Variants in PAX7 observed in about 807,000 individuals in gnomAD.
PAX7 encodes the protein paired box protein Pax-7.
In PAX7, 18 loss-of-function variants were observed where a neutral mutation model predicts 50.7. That is an observed-to-expected ratio of 0.36 (90% CI 0.25 to 0.53). The LOEUF (loss-of-function observed/expected upper bound fraction) is 0.53. PAX7 is among the 20% of genes least tolerant of loss of function. The pLI is 0.93. For synonymous variants in PAX7, 310 were observed against 290.4 expected (o/e 1.07, Z -0.69); for missense variants, 644 against 702.9 (o/e 0.92, Z 0.95).
Position 18,691,851 on chromosome 1 carries a change from G to A in PAX7, c.684G>A (p.Gln228=), listed in dbSNP as rs1339318728. The change falls in exon 5 of 9, where the codon CAG becomes CAA. Residue 228 remains glutamine (Q), a synonymous_variant. Coordinates refer to ENST00000420770, the MANE Select transcript of PAX7 (RefSeq NM_001135254.2). ...RRSRTTFTAE[Q]LEELEKAFER... Reference sequence around the variant, plus strand: ...GTCGGACCACATTCACGGCCGAGCAGCTGGAGGAGCTGGAGAAGGCCTTTG... The same window carrying A: ...GTCGGACCACATTCACGGCCGAGCAACTGGAGGAGCTGGAGAAGGCCTTTG... 17 of 1,613,850 alleles carry A rather than the reference G, an allele frequency of 1.1e-5. No homozygotes were observed. Among genetic ancestry groups the A allele is most frequent in the Non-Finnish European group, 1.4e-5 (16 of 1,179,966 alleles).
At chr1:18,722,357 C>T (rs1011836517) in intron 7 of PAX7, among the ~76,000 whole-genome samples, 3 of 152,176 alleles carry the variant, frequency 2.0e-5, no homozygotes, top group African/African-American at 7.2e-5. Flanking sequence ...ACTATCTCCT[C>T]CCGCATCTCT....
At chr1:18,697,210 G>T (rs1036049978) in intron 5 of PAX7, among the ~76,000 whole-genome samples, 3 of 152,198 alleles carry the variant, frequency 2.0e-5, no homozygotes, top group African/African-American at 4.8e-5. Flanking sequence ...TACTCCCAGC[G>T]CAGGGTATTG....
Position 18,634,884 on chromosome 1 carries a change from G to A in PAX7, c.322-227G>A, listed in dbSNP as rs1467442093. Among the ~76,000 whole-genome samples the A allele has an allele frequency of 6.6e-6, 1 of 151,878 alleles. No homozygotes were observed. Among genetic ancestry groups the A allele is most frequent in the Non-Finnish European group, 1.5e-5 (1 of 67,988 alleles). On this transcript the variant is annotated intron_variant, in intron 2 of 8. Transcript: ENST00000420770. The surrounding 1 kb of genome is among the most constrained non-coding windows in gnomAD (Gnocchi z 4.0). ...GGGGTCCTAATTAGAGTTTTTTATTGCCTATCCATGTCCCACCCCACCCCA... is the reference window on the plus strand; with the variant it reads ...GGGGTCCTAATTAGAGTTTTTTATTACCTATCCATGTCCCACCCCACCCCA...
chr1:18,657,568 A>G (rs2088540626), intron 4 of PAX7, among the ~76,000 whole-genome samples: 1 of 152,140 alleles, frequency 6.6e-6, no homozygotes, highest in South Asian at 2.1e-4. Flanking sequence ...TCTGAGCTAG[A>G]GACCTGGTCT....
intron 4 of PAX7, among the ~76,000 whole-genome samples, chr1:18,665,674 T>C (rs955452744): frequency 1.7e-5 from 2 of 117,210 alleles, no homozygotes; most frequent in African/African-American, 5.7e-5. Flanking sequence ...CGCCCAGCCT[T>C]TTTTTTTTTT....
At chr1:18,703,443 G>C (rs1297373085) in intron 7 of PAX7, 147 bp downstream of exon 7, 21 of 717,494 alleles carry the variant, frequency 2.9e-5, no homozygotes, top group Non-Finnish European at 9.5e-6. Context: ...AATCCTCCCT[G>C]GACTCTGTCC....
intron 8 of PAX7, among the ~76,000 whole-genome samples, chr1:18,742,263 T>C (rs1931189106): frequency 6.7e-6 from 1 of 149,596 alleles, no homozygotes; most frequent in African/African-American, 2.5e-5. Flanking sequence ...GTTCATGACA[T>C]TCTCCTGCCT....
rs760757280 is a variant in PAX7, at chr1:18,735,896, T to A, written c.1402+18T>A. 4 of 1,613,984 alleles carry A rather than the reference T, an allele frequency of 2.5e-6. No homozygotes were observed. The highest frequency in any genetic ancestry group is 2.5e-6 in the Non-Finnish European group (3 of 1,180,034). On this transcript the variant is annotated intron_variant, in intron 8 of 8. Transcript: ENST00000420770. The surrounding 1 kb of genome is among the most constrained non-coding windows in gnomAD (Gnocchi z 4.0). The stretch of plus-strand genomic sequence containing the variant: ...CGGCCAGAGTGAGTGCCTGGTGCCC[T>A]GGGCGTCCCCCGTCCCCATTCCTTC...
intron 7 of PAX7, among the ~76,000 whole-genome samples, chr1:18,727,810 G>A (rs1349160244): frequency 6.6e-6 from 1 of 152,196 alleles, no homozygotes; most frequent in Non-Finnish European, 1.5e-5. Flanking sequence ...CACGGCAGGT[G>A]CAGGGCTTCG....
intron 4 of PAX7, among the ~76,000 whole-genome samples, chr1:18,675,596 A>T (rs1415407455): frequency 6.6e-6 from 1 of 151,470 alleles, no homozygotes; most frequent in East Asian, 1.9e-4. Context: ...TGTCCCCCCA[A>T]CCCCACCTGC....
At chr1:18,714,442 C>T (rs925738998) in intron 7 of PAX7, among the ~76,000 whole-genome samples, 1 of 152,130 alleles carries the variant, frequency 6.6e-6, no homozygotes, top group African/African-American at 2.4e-5. Context: ...GACAATGTTC[C>T]TCTTTCTGCT....
intron 7 of PAX7, among the ~76,000 whole-genome samples, chr1:18,714,288 G>A (rs1383218361): frequency 6.6e-6 from 1 of 152,102 alleles, no homozygotes; most frequent in Non-Finnish European, 1.5e-5. Context: ...GTGATCACAG[G>A]CAAGTTATAT....
intron 8 of PAX7, 97 bp from the exon 9 acceptor site, chr1:18,744,717 G>A (rs1465675548): frequency 1.7e-5 from 12 of 699,720 alleles, no homozygotes; most frequent in African/African-American, 1.6e-4. Context: ...TGGATGGATG[G>A]ATGGATGGAT....
chr1:18,703,514 G>T (rs1440799156), intron 7 of PAX7, among the ~76,000 whole-genome samples: 1 of 152,226 alleles, frequency 6.6e-6, no homozygotes, highest in African/African-American at 2.4e-5. Flanking sequence ...ATGTCCTATT[G>T]GTGGAGAGAA....
intron 5 of PAX7, among the ~76,000 whole-genome samples, chr1:18,694,584 C>T (rs146705724): frequency 0.018 from 2,664 of 152,106 alleles, 80 homozygotes; most frequent in African/African-American, 0.06. Flanking sequence ...CTGAGCATCC[C>T]CAAAGGGTTA....
intron 4 of PAX7, among the ~76,000 whole-genome samples, chr1:18,650,561 T>A (rs1487785339): frequency 6.6e-6 from 1 of 152,194 alleles, no homozygotes; most frequent in African/African-American, 2.4e-5. Flanking sequence ...TTGCAAGACA[T>A]ACACACCTGG....
Position 18,635,121 on chromosome 1 carries a change from C to A in PAX7, c.332C>A (p.Thr111Asn). The A allele has an allele frequency of 6.2e-7, 1 of 1,613,766 alleles. No homozygotes were observed. The highest frequency in any genetic ancestry group is 2.2e-5 in the East Asian group (1 of 44,874). The change falls in exon 3 of 9, where the codon ACT (threonine) becomes AAT (asparagine). Residue 111 changes from threonine (T) to asparagine (N), a missense_variant. Thr to Asn is a moderately conservative substitution (Grantham distance 65). Coordinates refer to ENST00000420770, the MANE Select transcript of PAX7 (RefSeq NM_001135254.2). ...CCTCCACCTCTGAAGCAGGTGGCGACTCCGGATGTAGAGAAAAAGATTGAG... is the reference window on the plus strand; with the variant it reads ...CCTCCACCTCTGAAGCAGGTGGCGAATCCGGATGTAGAGAAAAAGATTGAG... ...IGGSKPRQVA[T>N]PDVEKKIEEY...
chr1:18,643,318 G>C (rs1483762901), intron 4 of PAX7, among the ~76,000 whole-genome samples: 1 of 152,132 alleles, frequency 6.6e-6, no homozygotes, highest in Non-Finnish European at 1.5e-5. Context: ...GGTCGCCCTG[G>C]TCCTGGAGGT....
chr1:18,689,926 A>G (rs1345910016), intron 4 of PAX7, among the ~76,000 whole-genome samples: 1 of 152,188 alleles, frequency 6.6e-6, no homozygotes, highest in East Asian at 1.9e-4. Context: ...GCCTATTCCT[A>G]TAATTAACAC....
Sources: allele counts gnomAD v4.1 joint callset (sites outside exome capture counted in the v4.1 genomes callset), GRCh38; gene constraint gnomAD v4.1.1; non-coding constraint Gnocchi (gnomAD v3.1); transcripts MANE v1.5; gene names NCBI Gene and HGNC (gene_info 2026-07-23, HGNC 2026-07-21).